Variants in CDK19 observed in about 807,000 individuals in gnomAD.
CDK19 encodes the protein cyclin dependent kinase 19.
In CDK19, 20 loss-of-function variants were observed where a neutral mutation model predicts 68.3. The ratio of observed to expected loss-of-function variants is 0.29; its 90% confidence interval spans 0.21 to 0.43. The LOEUF (loss-of-function observed/expected upper bound fraction) is 0.43, where lower values mean the gene tolerates loss of function less well. CDK19 is among the 20% of genes least tolerant of loss of function. The probability of loss-of-function intolerance (pLI) is 1.00; values close to 1 mark genes in which losing one functional copy is unlikely to be tolerated. For missense variants in CDK19, 339 were observed against 623.5 expected, an observed-to-expected ratio of 0.54 and a Z score of 4.86; for synonymous variants, 221 against 222.8, an observed-to-expected ratio of 0.99 and a Z score of 0.07.
intron 4 of CDK19, chr6:110,645,712 TG>T (rs1343568552): frequency 2.4e-6 from 1 of 422,626 alleles, no homozygotes; most frequent in African/African-American, 2.1e-5. Context: ...TGACGACGGC[TG>T]GAGGCCAACA....
chr6:110,623,851 CAT>C (rs1191122076), intron 8 of CDK19, among the ~76,000 whole-genome samples: 82 of 143,412 alleles, frequency 5.7e-4, no homozygotes, highest in Middle Eastern at 3.7e-3. Context: ...CACATATATA[CAT>C]ATATATACAT....
intron 1 of CDK19, among the ~76,000 whole-genome samples, chr6:110,762,944 G>A (rs969176546): frequency 1.3e-5 from 2 of 152,186 alleles, no homozygotes; most frequent in Non-Finnish European, 2.9e-5. Flanking sequence ...TAACCGATTA[G>A]ATGACTGACT....
At chr6:110,677,869 A>G (rs1347306199) in intron 2 of CDK19, among the ~76,000 whole-genome samples, 3 of 152,144 alleles carry the variant, frequency 2.0e-5, no homozygotes, top group East Asian at 1.9e-4. Flanking sequence ...ATTTATTTTG[A>G]GACAAGATCT....
intron 2 of CDK19, among the ~76,000 whole-genome samples, chr6:110,724,015 A>T (rs773437944): frequency 2.2e-3 from 18 of 8,160 alleles, no homozygotes; most frequent in Admixed American, 0.01. Flanking sequence ...CAACATTCTT[A>T]AAAAAAAAAA....
rs1368193866 is a variant in CDK19, at chr6:110,815,239, T to TCTCG, written c.-107_-104dup. The stretch of plus-strand genomic sequence containing the variant: ...CCGCTCCACTTCTCCAACAGCCGCC[T>TCTCG]CTCGCGCGCGCGCGCGCGCCGCCCG... On this transcript the variant is annotated 5_prime_UTR_variant, in exon 1 of 13. Transcript: ENST00000368911. The TCTCG allele has an allele frequency of 3.5e-6, 4 of 1,148,734 alleles. No homozygotes were observed. Among genetic ancestry groups the TCTCG allele is most frequent in the Admixed American group, 4.6e-5 (1 of 21,708 alleles). The allele number at this position is 1,148,734 out of a possible 1,614,324, so 71.2% of individuals were successfully genotyped here. A position where few individuals can be genotyped will look rare whatever the true frequency, so the allele number is the denominator to read the frequency against.
At chr6:110,642,959 C>G (rs1270995808) in intron 4 of CDK19, among the ~76,000 whole-genome samples, 3 of 152,126 alleles carry the variant, frequency 2.0e-5, no homozygotes, top group Non-Finnish European at 4.4e-5. Flanking sequence ...CAAACTTTAC[C>G]CTCACTCCAA....
At chr6:110,762,483 G>A (rs1395097544) in intron 1 of CDK19, among the ~76,000 whole-genome samples, 8 of 152,122 alleles carry the variant, frequency 5.3e-5, no homozygotes, top group Non-Finnish European at 1.2e-4. Context: ...TTGGGCTATG[G>A]ACTTATATAC....
rs1171656960 is a variant in CDK19 at position 110,613,777 on chromosome 6, T to A, written c.*758A>T. ...GACTTAGCTACATGAAGGTTAAAAT[T>A]GTAATTCTTAATTACTGAATGCTAT... is the stretch of plus-strand genomic sequence containing the variant. On this transcript the variant is annotated 3_prime_UTR_variant, in exon 13 of 13. Transcript: ENST00000368911. 2 of 152,622 alleles carry A rather than the reference T, an allele frequency of 1.3e-5. No individual in the cohort carries two copies. The highest frequency in any genetic ancestry group is 2.9e-5 in the Non-Finnish European group (2 of 68,022). 9.5% of individuals were successfully genotyped at this position (152,622 alleles called of 1,614,324 possible). A position where few individuals can be genotyped will look rare whatever the true frequency, so the allele number is the denominator to read the frequency against.
At chr6:110,812,936 T>C (rs906905787) in intron 1 of CDK19, among the ~76,000 whole-genome samples, 1 of 152,064 alleles carries the variant, frequency 6.6e-6, no homozygotes, top group Non-Finnish European at 1.5e-5. Flanking sequence ...GGGTGTTTAC[T>C]GTAAAGTTGC....
At chr6:110,805,937 A>C (rs1383720667) in intron 1 of CDK19, among the ~76,000 whole-genome samples, 1 of 151,192 alleles carries the variant, frequency 6.6e-6, no homozygotes, top group Non-Finnish European at 1.5e-5. Flanking sequence ...GTGAGCCAAG[A>C]TCGTGCCACT....
intron 1 of CDK19, among the ~76,000 whole-genome samples, chr6:110,799,249 A>C (rs1381875793): frequency 4.6e-5 from 7 of 151,860 alleles, no homozygotes; most frequent in Non-Finnish European, 1.0e-4. Flanking sequence ...TACTAGCTGA[A>C]TATGACCCAG....
rs1783528846 is a variant in CDK19, at chr6:110,815,169, G to C, written c.-33C>G. The C allele has an allele frequency of 1.3e-6, 2 of 1,558,406 alleles. No individual in the cohort carries two copies. Among genetic ancestry groups the C allele is most frequent in the East Asian group, 2.6e-5 (1 of 38,444 alleles). ...TTCCCCCATAGAGGCACGGGACGCG[G>C]GGGCCGCCGCCGCTCAGTCCCTCCT... On this transcript the variant is annotated 5_prime_UTR_variant, in exon 1 of 13. Transcript: ENST00000368911.
At position 110,614,654 on chromosome 6, in the gene CDK19, G is replaced by A. The variant is rs373933843; in HGVS notation, c.1390C>T (p.Arg464Cys). The stretch of plus-strand genomic sequence containing the variant: ...TGAACGCTGCTTTGGTAATTCAGGC[G>A]AGAACTGGAGTGCTAGGAGAAGGAA... ...MPSDYQHSSS[R>C]LNYQSSVQGS... Residue 464 changes from arginine to cysteine, a missense_variant, in exon 13 of 13, where the codon CGC becomes TGC. Around this residue, in one of 4 missense-constraint regions of CDK19, gnomAD observed 155 missense variants for 222.7 expected, o/e 0.70. Coordinates refer to ENST00000368911, the MANE Select transcript of CDK19 (RefSeq NM_015076.5). 6.2e-6 allele frequency: 10 copies of A among 1,613,882 alleles called. No homozygotes were observed. Among genetic ancestry groups the A allele is most frequent in the Non-Finnish European group, 6.8e-6 (8 of 1,179,936 alleles).
chr6:110,744,407 C>T (rs1583005640), intron 2 of CDK19, among the ~76,000 whole-genome samples: 3 of 152,042 alleles, frequency 2.0e-5, no homozygotes, highest in Admixed American at 1.3e-4. Context: ...TGGTGGCTCA[C>T]GCCTGCAATC....
At position 110,774,615 on chromosome 6, in the gene CDK19, A is replaced by T. The variant is rs185487433; in HGVS notation, c.129-28414T>A. On this transcript the variant is annotated intron_variant, in intron 1 of 12. Coordinates refer to ENST00000368911, the MANE Select transcript of CDK19 (RefSeq NM_015076.5). ...CAAGTCAGTAACTAAAACAGCAGAAAGCAAAACCACAGATAAAGGGACAAT... is the reference window on the plus strand; with the variant it reads ...CAAGTCAGTAACTAAAACAGCAGAATGCAAAACCACAGATAAAGGGACAAT... Among the ~76,000 whole-genome samples, 25 of 152,364 alleles carry T rather than the reference A, an allele frequency of 1.6e-4. No homozygotes were observed. The East Asian group carries it at 4.8e-3, about 29-fold the overall frequency.
chr6:110,724,759 TTAGA>T (rs1210665553), intron 2 of CDK19, among the ~76,000 whole-genome samples: 18 of 152,226 alleles, frequency 1.2e-4, no homozygotes, highest in Admixed American at 3.3e-4. Context: ...TCTAAATTTA[TTAGA>T]TAGCTAGATA....
At position 110,666,353 on chromosome 6, in the gene CDK19, A is replaced by C. The variant is rs557588278; in HGVS notation, c.456+1081T>G. ...AGGCAGAGAATTGCTTGAACCCAGG[A>C]GGCGGAGGTTGCAGTGAGCCGAGAT... is the stretch of plus-strand genomic sequence containing the variant. On this transcript the variant is annotated intron_variant, in intron 4 of 12. Transcript: ENST00000368911. 9.8e-5 allele frequency among the ~76,000 whole-genome samples: 13 copies of C among 132,508 alleles called. No homozygotes were observed. The South Asian group carries it at 2.7e-3, about 27-fold the overall frequency. 86.9% of individuals were successfully genotyped at this position (132,508 alleles called of 152,430 possible). A position where few individuals can be genotyped will look rare whatever the true frequency, so the allele number is the denominator to read the frequency against.
At chr6:110,761,414 T>A (rs1288517130) in intron 1 of CDK19, among the ~76,000 whole-genome samples, 9 of 152,178 alleles carry the variant, frequency 5.9e-5, no homozygotes, top group African/African-American at 1.9e-4. Context: ...GGAAACAGTG[T>A]CAACAGAACA....
At chr6:110,728,898 A>G (rs1191627095) in intron 2 of CDK19, among the ~76,000 whole-genome samples, 1 of 152,198 alleles carries the variant, frequency 6.6e-6, no homozygotes, top group Non-Finnish European at 1.5e-5. Flanking sequence ...TTATCCTGCC[A>G]TGATACTAGC....
Sources: gnomAD v4.1 joint callset for allele counts (sites outside exome capture counted in the v4.1 genomes callset) on GRCh38, gnomAD v4.1.1 for gene constraint, gnomAD v4.1.1 regional missense constraint, MANE v1.5 for transcripts, NCBI Gene and HGNC (gene_info 2026-07-23, HGNC 2026-07-21) for gene names.